SPON1: variants seen among roughly 807,000 people sequenced by gnomAD.
SPON1 encodes spondin-1.
In SPON1, 52 loss-of-function variants were observed where a neutral mutation model predicts 111.7. The ratio of observed to expected loss-of-function variants is 0.47; its 90% CI spans 0.37 to 0.59. The LOEUF is 0.59. Among genes scored for constraint, SPON1 ranks in the 20% least tolerant of loss-of-function variants. SPON1 has a pLI of 0.00. For missense variants in SPON1, 957 were observed against 1,068.5 expected, an observed-to-expected ratio of 0.90 and a Z score of 1.46; for synonymous variants, 410 against 395.8, an observed-to-expected ratio of 1.04 and a Z score of -0.43.
At chr11:14,208,833 C>G (rs1848543047) in intron 6 of SPON1, among the ~76,000 whole-genome samples, 1 of 151,886 alleles carries the variant, frequency 6.6e-6, no homozygotes, top group South Asian at 2.1e-4. Flanking sequence ...TTCTATATGC[C>G]TGGTTTTGTG....
intron 2 of SPON1, among the ~76,000 whole-genome samples, chr11:14,017,914 G>A (rs1005085827): frequency 3.3e-5 from 5 of 152,138 alleles, no homozygotes; most frequent in Non-Finnish European, 5.9e-5. Context: ...TCTTTGTAAT[G>A]TATTGATCAA....
intron 6 of SPON1, among the ~76,000 whole-genome samples, chr11:14,179,175 A>G (rs946921046): frequency 7.9e-5 from 12 of 152,218 alleles, no homozygotes; most frequent in African/African-American, 2.9e-4. Context: ...ATTTGCACAC[A>G]GATTAGAAAC....
At chr11:14,202,364 T>C (rs1022813057) in intron 6 of SPON1, among the ~76,000 whole-genome samples, 7 of 152,172 alleles carry the variant, frequency 4.6e-5, no homozygotes, top group South Asian at 4.1e-4. Flanking sequence ...GAGTTTTTAG[T>C]GTATGCAGCT....
chr11:14,089,327 C>T (rs1012038476), intron 5 of SPON1, among the ~76,000 whole-genome samples: 7 of 152,014 alleles, frequency 4.6e-5, no homozygotes, highest in African/African-American at 1.7e-4. Flanking sequence ...TGTGGGGGTC[C>T]TTTTTGTTGA....
intron 5 of SPON1, among the ~76,000 whole-genome samples, chr11:14,134,142 T>C (rs1554927801): frequency 1.3e-5 from 2 of 151,574 alleles, no homozygotes; most frequent in African/African-American, 4.8e-5. Context: ...AAACTGAAAA[T>C]GTTAGTTGGG....
chr11:13,963,238 C>T, intron 1 of SPON1, 96 bp downstream of exon 1: 1 of 964,404 alleles, frequency 1.0e-6, no homozygotes. Flanking sequence ...GGTCTCCGGG[C>T]GCGTGGCGCG....
chr11:13,989,872 A>G (rs1050694892), intron 2 of SPON1, among the ~76,000 whole-genome samples: 17 of 152,096 alleles, frequency 1.1e-4, no homozygotes, highest in African/African-American at 4.1e-4. Flanking sequence ...GAGTTTCCTA[A>G]TTGTGAGTTC....
intron 2 of SPON1, among the ~76,000 whole-genome samples, chr11:14,020,336 G>A (rs1460805683): frequency 1.3e-5 from 2 of 152,224 alleles, no homozygotes; most frequent in Non-Finnish European, 2.9e-5. Context: ...ATCTGGCAGA[G>A]CTTTGAGCAG....
intron 6 of SPON1, among the ~76,000 whole-genome samples, chr11:14,229,305 G>GT (rs1848770528): frequency 6.6e-6 from 1 of 152,244 alleles, no homozygotes; most frequent in South Asian, 2.1e-4. Flanking sequence ...GGATCTGAGA[G>GT]TCTTGGGTCA....
chr11:14,222,330 T>C (rs1285664171), intron 6 of SPON1, among the ~76,000 whole-genome samples: 1 of 152,236 alleles, frequency 6.6e-6, no homozygotes, highest in Non-Finnish European at 1.5e-5. Context: ...AGGAAATCCA[T>C]ATCCTCATAG....
intron 1 of SPON1, among the ~76,000 whole-genome samples, chr11:13,978,311 T>C (rs945420246): frequency 6.6e-6 from 1 of 152,136 alleles, no homozygotes; most frequent in Non-Finnish European, 1.5e-5. Flanking sequence ...TAATTTAGAT[T>C]GATGAAACCT....
intron 6 of SPON1, among the ~76,000 whole-genome samples, chr11:14,223,557 A>G (rs1848704370): frequency 2.0e-5 from 3 of 152,228 alleles, no homozygotes; most frequent in Admixed American, 2.0e-4. Flanking sequence ...CGTAAGATGA[A>G]TGTCATTCGG....
At chr11:14,050,279 A>G (rs1268213284) in intron 3 of SPON1, among the ~76,000 whole-genome samples, 2 of 152,226 alleles carry the variant, frequency 1.3e-5, no homozygotes, top group Non-Finnish European at 2.9e-5. Context: ...TCATAAAGGC[A>G]TAGATCAATT....
chr11:14,050,682 T>A (rs1474838759), intron 3 of SPON1, among the ~76,000 whole-genome samples: 2 of 152,098 alleles, frequency 1.3e-5, no homozygotes, highest in African/African-American at 4.8e-5. Context: ...GGGTGGTGAT[T>A]TGGTCAAGTG....
intron 3 of SPON1, among the ~76,000 whole-genome samples, chr11:14,056,987 A>G (rs942724908): frequency 6.6e-6 from 1 of 152,166 alleles, no homozygotes; most frequent in Non-Finnish European, 1.5e-5. Context: ...ATACACTTAT[A>G]AGAGCACTGG....
At chr11:14,068,770 T>A (rs979393285) in intron 3 of SPON1, among the ~76,000 whole-genome samples, 3 of 152,200 alleles carry the variant, frequency 2.0e-5, no homozygotes, top group Non-Finnish European at 2.9e-5. Context: ...TCCGCTGAGT[T>A]GTAGCACTTG....
At chr11:14,233,490 T>C (rs1848826068) in intron 6 of SPON1, among the ~76,000 whole-genome samples, 1 of 152,196 alleles carries the variant, frequency 6.6e-6, no homozygotes, top group African/African-American at 2.4e-5. Flanking sequence ...CATCACACTC[T>C]GAACAACAGC....
intron 3 of SPON1, among the ~76,000 whole-genome samples, chr11:14,056,822 C>T (rs918852590): frequency 3.3e-5 from 5 of 152,210 alleles, no homozygotes; most frequent in Admixed American, 2.0e-4. Flanking sequence ...ACCTGGGAAG[C>T]GGAGCTTGCA....
intron 3 of SPON1, among the ~76,000 whole-genome samples, chr11:14,047,090 T>C (rs1848673985): frequency 1.3e-5 from 2 of 152,176 alleles, no homozygotes; most frequent in African/African-American, 4.8e-5. Context: ...TACTGGCTTA[T>C]TCTTTCATTC....
Sources: allele counts gnomAD v4.1 joint callset (sites outside exome capture counted in the v4.1 genomes callset), GRCh38; gene constraint gnomAD v4.1.1; transcripts MANE v1.5; gene names NCBI Gene and HGNC (gene_info 2026-07-23, HGNC 2026-07-21).